The following ABHD18 variants were observed in gnomAD, a reference collection of about 807,000 sequenced individuals.
The protein encoded by ABHD18 is abhydrolase domain containing 18.
Under a neutral mutation model 65.9 loss-of-function variants are expected in ABHD18, and 55 were observed. The observed-to-expected ratio is 0.84, with a 90% confidence interval of 0.67 to 1.05. The LOEUF (loss-of-function observed/expected upper bound fraction) is 1.05, where lower values mean the gene tolerates loss of function less well. Among genes scored for constraint, ABHD18 ranks in the 50% least tolerant of loss-of-function variants. The pLI is 0.00. For missense variants in ABHD18, 533 were observed against 558.5 expected (o/e 0.95, Z 0.46); for synonymous variants, 181 against 180.2 (o/e 1.00, Z -0.04).
Position 127,965,453 on chromosome 4 carries a change from C to T in ABHD18, c.-171C>T, listed in dbSNP as rs1190458512. 2.0e-6 allele frequency: 1 copy of T among 502,280 alleles called. No homozygotes were observed. Among genetic ancestry groups the T allele is most frequent in the South Asian group, 2.1e-5 (1 of 47,440 alleles). The allele number at this position is 502,280 out of a possible 1,614,324, so 31.1% of individuals were successfully genotyped here. The stretch of plus-strand genomic sequence containing the variant: ...CGGGTTTGTCTTCCTCCCTCCGTTT[C>T]TCCTTCCGCTGTATCTAGCATTTCG... On this transcript the variant is annotated 5_prime_UTR_variant, in exon 1 of 13. Coordinates refer to ENST00000645843, the MANE Select transcript of ABHD18 (RefSeq NM_001358451.3).
At chr4:127,998,914 T>C (rs1752221701) in intron 4 of ABHD18, among the ~76,000 whole-genome samples, 2 of 152,264 alleles carry the variant, frequency 1.3e-5, no homozygotes, top group South Asian at 4.1e-4. Flanking sequence ...GAATGATTAT[T>C]GGGATGAAAT....
chr4:128,011,150 A>ATT (rs766141488), intron 6 of ABHD18, among the ~76,000 whole-genome samples: 4 of 141,516 alleles, frequency 2.8e-5, no homozygotes, highest in African/African-American at 5.2e-5. Flanking sequence ...GTGATATATG[A>ATT]TTTTTTTTTT....
At chr4:128,029,795 G>T (rs1021650190) in intron 11 of ABHD18, among the ~76,000 whole-genome samples, 1 of 152,026 alleles carries the variant, frequency 6.6e-6, no homozygotes, top group Non-Finnish European at 1.5e-5. Flanking sequence ...ACTGCACTCA[G>T]CCTGAGTGAC....
At chr4:127,981,490 T>C (rs977201569) in intron 1 of ABHD18, among the ~76,000 whole-genome samples, 1 of 152,200 alleles carries the variant, frequency 6.6e-6, no homozygotes, top group Non-Finnish European at 1.5e-5. Context: ...TTTGTCATTT[T>C]TGTGGCACAG....
At chr4:128,000,943 G>GT (rs1752542660) in intron 4 of ABHD18, among the ~76,000 whole-genome samples, 1 of 152,080 alleles carries the variant, frequency 6.6e-6, no homozygotes, top group African/African-American at 2.4e-5. Flanking sequence ...CAGCTTGGAT[G>GT]TTATTGGTGT....
intron 4 of ABHD18, among the ~76,000 whole-genome samples, chr4:127,992,102 A>G (rs576642002): frequency 2.0e-5 from 3 of 152,316 alleles, no homozygotes; most frequent in African/African-American, 4.8e-5. Flanking sequence ...ACCTAATGTC[A>G]ATTACTTAAA....
At chr4:127,998,330 T>C (rs1295894953) in intron 4 of ABHD18, among the ~76,000 whole-genome samples, 1 of 144,394 alleles carries the variant, frequency 6.9e-6, no homozygotes, top group Non-Finnish European at 1.5e-5. Flanking sequence ...TCGCCGAGGC[T>C]GGAGTGCACT....
chr4:127,989,412 AAG>A (rs1750543480), intron 3 of ABHD18, among the ~76,000 whole-genome samples: 1 of 152,186 alleles, frequency 6.6e-6, no homozygotes, highest in African/African-American at 2.4e-5. Flanking sequence ...ATTTTGAAAT[AAG>A]AGTGGAATTG....
intron 1 of ABHD18, among the ~76,000 whole-genome samples, chr4:127,981,286 G>A (rs759327150): frequency 2.6e-5 from 4 of 152,118 alleles, no homozygotes; most frequent in Non-Finnish European, 5.9e-5. Context: ...AGGTCGAGGA[G>A]CATCTGTATT....
chr4:128,023,909 G>T (rs1423351342), intron 10 of ABHD18, among the ~76,000 whole-genome samples: 30 of 152,064 alleles, frequency 2.0e-4, no homozygotes, highest in Admixed American at 1.8e-3. Context: ...AGCTTTACCT[G>T]CTAGTTAGTT....
At chr4:128,009,515 T>C (rs981754279) in intron 6 of ABHD18, 1 of 175,824 alleles carries the variant, frequency 5.7e-6, no homozygotes, top group African/African-American at 2.4e-5. Context: ...ACAGTATCAG[T>C]TGAGGTTTAG....
chr4:127,996,042 A>C (rs1429710430), intron 4 of ABHD18, among the ~76,000 whole-genome samples: 1 of 152,250 alleles, frequency 6.6e-6, no homozygotes, highest in Non-Finnish European at 1.5e-5. Context: ...GCTTGCTGGA[A>C]AGATACAGGC....
intron 1 of ABHD18, among the ~76,000 whole-genome samples, chr4:127,971,471 T>G (rs1376624685): frequency 6.8e-6 from 1 of 147,532 alleles, no homozygotes; most frequent in African/African-American, 2.5e-5. Flanking sequence ...TCTGAATATG[T>G]CCAGAGTTGG....
intron 1 of ABHD18, among the ~76,000 whole-genome samples, chr4:127,976,117 C>T (rs893183135): frequency 6.6e-6 from 1 of 151,954 alleles, no homozygotes; most frequent in African/African-American, 2.4e-5. Context: ...CACGTCTGGC[C>T]TGTAATTTTA....
At chr4:127,975,360 A>G (rs1747713892) in intron 1 of ABHD18, among the ~76,000 whole-genome samples, 1 of 152,108 alleles carries the variant, frequency 6.6e-6, no homozygotes, top group African/African-American at 2.4e-5. Flanking sequence ...GCTTCTATGA[A>G]TCTGACTACT....
At chr4:127,977,199 G>C (rs1210656130) in intron 1 of ABHD18, among the ~76,000 whole-genome samples, 1 of 152,074 alleles carries the variant, frequency 6.6e-6, no homozygotes, top group Non-Finnish European at 1.5e-5. Flanking sequence ...CAAGCTGGGC[G>C]TGGTGGCTCA....
rs982943727 is a variant in ABHD18 at position 128,036,556 on chromosome 4, C to T, written c.*743C>T. The T allele has an allele frequency of 1.3e-5, 2 of 152,000 alleles. No individual in the cohort carries two copies. The highest frequency in any genetic ancestry group is 1.3e-4 in the Admixed American group (2 of 15,238). The allele number at this position is 152,000 out of a possible 1,614,324, so 9.4% of individuals were successfully genotyped here. On this transcript the variant is annotated 3_prime_UTR_variant, in exon 13 of 13. Coordinates refer to ENST00000645843, the MANE Select transcript of ABHD18 (RefSeq NM_001358451.3). ...GACCAGCCTGACCAATATAGAGAAA[C>T]CCCCTCTCTACTACAAATACAAAAA...
chr4:128,001,906 A>C, intron 4 of ABHD18: 6 of 1,016,158 alleles, frequency 5.9e-6, no homozygotes, highest in Non-Finnish European at 8.0e-6. Context: ...TGAAAAAAAC[A>C]GATAAATTTT....
At chr4:128,013,613 G>A (rs1287874972) in intron 7 of ABHD18, among the ~76,000 whole-genome samples, 8 of 152,004 alleles carry the variant, frequency 5.3e-5, no homozygotes, top group Non-Finnish European at 1.2e-4. Flanking sequence ...CAGGAGAATG[G>A]CGTGAACCCA....
Sources: allele counts gnomAD v4.1 joint callset (sites outside exome capture counted in the v4.1 genomes callset), GRCh38; gene constraint gnomAD v4.1.1; transcripts MANE v1.5; gene names NCBI Gene and HGNC (gene_info 2026-07-23, HGNC 2026-07-21).